The following MTA2 variants were observed in gnomAD, a reference collection of about 807,000 sequenced individuals.
MTA2 encodes the protein metastasis-associated protein MTA2.
Under a neutral mutation model 87.1 loss-of-function variants are expected in MTA2, and 22 were observed. The ratio of observed to expected loss-of-function variants is 0.25; its 90% confidence interval spans 0.18 to 0.36. The LOEUF is 0.36. MTA2 is among the 10% of genes least tolerant of loss of function. The pLI, the probability that MTA2 is intolerant of heterozygous loss-of-function variation, is 1.00. For synonymous variants in MTA2, 314 were observed against 310.1 expected (o/e 1.01, Z -0.13); for missense variants, 542 against 853.2 (o/e 0.64, Z 4.54).
At position 62,601,594 on chromosome 11, in the gene MTA2, G is replaced by A; in HGVS notation, c.-144C>T. On this transcript the variant is annotated 5_prime_UTR_variant, in exon 1 of 18. Transcript: ENST00000278823. ...GGCCCGCGCAGCCGGCACCTCCGCTGCCTCAGCCGTCGCGGTTCATCCCGG... is the reference window on the plus strand; with the variant it reads ...GGCCCGCGCAGCCGGCACCTCCGCTACCTCAGCCGTCGCGGTTCATCCCGG... 1.1e-6 allele frequency: 1 copy of A among 936,518 alleles called. No individual in the cohort carries two copies. The highest frequency in any genetic ancestry group is 1.8e-5 in the South Asian group (1 of 54,988). The allele number at this position is 936,518 out of a possible 1,614,324, so 58.0% of individuals were successfully genotyped here. A position where few individuals can be genotyped will look rare whatever the true frequency, so the allele number is the denominator to read the frequency against.
In MTA2 at chr11:62,597,397, T is replaced by G. The variant is rs778365725; in HGVS notation, c.612A>C (p.Ala204=). Residue 204 remains alanine, a synonymous_variant, in exon 8 of 18, where the codon GCA becomes GCC. Coordinates refer to ENST00000278823, the MANE Select transcript of MTA2 (RefSeq NM_004739.4). The part of the protein sequence containing the change: ...LVVARAVGTF[A]RALDCSSSIR... ...TGGAGCTGCTACAATCTAGGGCTCT[T>G]GCAAAGGTTCCCACAGCTCTAAGGG... The G allele has an allele frequency of 8.4e-5, 135 of 1,611,626 alleles. No individual in the cohort carries two copies. Among genetic ancestry groups the G allele is most frequent in the Middle Eastern group, 3.3e-4 (2 of 6,082 alleles).
chr11:62,598,522 C>T lies in MTA2; in HGVS notation c.308G>A (p.Arg103Gln). 1 of 1,613,898 alleles carries T rather than the reference C, an allele frequency of 6.2e-7. No individual in the cohort carries two copies. The highest frequency in any genetic ancestry group is 8.5e-7 in the Non-Finnish European group (1 of 1,179,816). Residue 103 changes from arginine to glutamine, a missense_variant and splice_region_variant, in exon 4 of 18, where the codon CGG becomes CAG. By Grantham distance (43) the Arg-to-Gln change is conservative. This residue lies in a region of MTA2 where 150 missense variants were observed against 243.9 expected (regional missense o/e 0.62). Coordinates refer to ENST00000278823, the MANE Select transcript of MTA2 (RefSeq NM_004739.4). ...QFESLPATHIRGKCSVTLLNE... is the reference protein window; with the variant it reads ...QFESLPATHIQGKCSVTLLNE... ...TATGCTGGCCCCAGTTGTCCTGTAC[C>T]GTATGTGGGTGGCTGGTAATGATTC...
intron 17 of MTA2, 53 bp from the exon 18 acceptor site, chr11:62,594,093 C>A: frequency 6.4e-7 from 1 of 1,554,752 alleles, no homozygotes; most frequent in Admixed American, 1.9e-5. Flanking sequence ...ACATTAAGAC[C>A]TCCAGGTGAA....
chr11:62,597,560 C>A (rs750429467), intron 7 of MTA2, 50 bp downstream of exon 7: 1 of 1,559,444 alleles, frequency 6.4e-7, no homozygotes, highest in African/African-American at 1.4e-5. Context: ...GGACTCAGAA[C>A]AATGTCCACA....
intron 8 of MTA2, among the ~76,000 whole-genome samples, 180 bp from the exon 9 acceptor site, chr11:62,597,005 C>T (rs942579032): frequency 1.3e-5 from 2 of 152,046 alleles, no homozygotes; most frequent in South Asian, 4.1e-4. Flanking sequence ...CTGGCTAAAA[C>T]GGTGAAACCC....
At chr11:62,600,062 C>T in intron 3 of MTA2, 104 bp downstream of exon 3, 1 of 1,074,368 alleles carries the variant, frequency 9.3e-7, no homozygotes, top group South Asian at 1.5e-5. Context: ...CACCCCCAAA[C>T]TCACACCTCT....
At chr11:62,594,075 C>G in intron 17 of MTA2, 35 bp from the exon 18 acceptor site, 1 of 1,566,184 alleles carries the variant, frequency 6.4e-7, no homozygotes, top group Non-Finnish European at 8.6e-7. Context: ...ACAGAAAAGG[C>G]TTAGAGAACA....
rs906901852 is a variant in MTA2 at position 62,597,547 on chromosome 11, A to G, written c.593+63T>C. 7.9e-6 allele frequency: 12 copies of G among 1,526,858 alleles called. 1 individual carries two copies. In the South Asian group the frequency reaches 8.0e-5, roughly 10 times the overall value. The allele number at this position is 1,526,858 out of a possible 1,614,324, so 94.6% of individuals were successfully genotyped here. On this transcript the variant is annotated intron_variant, in intron 7 of 17. Coordinates refer to ENST00000278823, the MANE Select transcript of MTA2 (RefSeq NM_004739.4). ...GAAATAAAGTCCATCTCTAAGAACC[A>G]TGGGACTCAGAACAATGTCCACACC...
chr11:62,598,629 T>C lies in MTA2; in HGVS notation c.201A>G (p.Glu67=). The C allele has an allele frequency of 6.2e-7, 1 of 1,613,872 alleles. No individual in the cohort carries two copies. The highest frequency in any genetic ancestry group is 8.5e-7 in the Non-Finnish European group (1 of 1,179,966). Residue 67 remains glutamate (E), a synonymous_variant, in exon 4 of 18, where the codon GAA becomes GAG. Coordinates refer to ENST00000278823, the MANE Select transcript of MTA2 (RefSeq NM_004739.4). ...ACACCCCTGGCTGCTTTGATTCCTC[T>C]TCAAACTCCCCTGGGAGATTAAAGA... is the stretch of plus-strand genomic sequence containing the variant. ...SLADSNAREF[E]EESKQPGVSE...
Position 62,600,617 on chromosome 11 carries a change from C to T in MTA2, c.96+5G>A, listed in dbSNP as rs373992545. Reference sequence around the variant, plus strand: ...AGGGAGGGAGAGGGATTCTGCTCCACTCACCTTGTTGAGCTCCTCAATCCG... The same window carrying T: ...AGGGAGGGAGAGGGATTCTGCTCCATTCACCTTGTTGAGCTCCTCAATCCG... On this transcript the variant is annotated splice_donor_5th_base_variant and intron_variant, in intron 2 of 17. Coordinates refer to ENST00000278823, the MANE Select transcript of MTA2 (RefSeq NM_004739.4). The T allele has an allele frequency of 4.2e-5, 68 of 1,613,326 alleles. No homozygotes were observed. The highest frequency in any genetic ancestry group is 3.1e-4 in the South Asian group (28 of 91,038).
At position 62,596,745 on chromosome 11, in the gene MTA2, C is replaced by T. The variant is rs562594464; in HGVS notation, c.774G>A (p.Pro258=). The T allele has an allele frequency of 1.9e-5, 31 of 1,614,176 alleles. 1 individual carries two copies. Among genetic ancestry groups the T allele is most frequent in the East Asian group, 2.2e-5 (1 of 44,880 alleles). The part of the protein sequence containing the change: ...AMSTLVPQGG[P]VLCRDEMEEW... ...CCTCCATCTCATCCCGACACAGCACCGGGCCTCCCTGGGGTACCAGGGTCG... is the reference window on the plus strand; with the variant it reads ...CCTCCATCTCATCCCGACACAGCACTGGGCCTCCCTGGGGTACCAGGGTCG... The change falls in exon 9 of 18, where the codon CCG becomes CCA. Residue 258 remains proline (P), a synonymous_variant. Transcript: ENST00000278823.
Position 62,595,825 on chromosome 11 carries a change from CA to C in MTA2, c.1180del (p.Cys394ValfsTer11). 1.2e-6 allele frequency: 2 copies of C among 1,614,210 alleles called. No homozygotes were observed. The highest frequency in any genetic ancestry group is 1.7e-6 in the Non-Finnish European group (2 of 1,180,040). ...CCCATACTTCTTCCAGTAGATCCAACAGGAAGCACAGAGGCGGCACTGCATG... is the reference window on the plus strand; with the variant it reads ...CCCATACTTCTTCCAGTAGATCCAACGGAAGCACAGAGGCGGCACTGCATG... The part of the protein sequence containing the change: ...PNMQCRLCAS[C>X]WIYWKKYGGL... On this transcript the variant is annotated frameshift_variant, in exon 13 of 18. Transcript: ENST00000278823. LOFTEE classifies it high-confidence loss of function. This position sits in a 1 kb window ranked among gnomAD's most constrained non-coding sequence, Gnocchi z 4.9.
In MTA2 at chr11:62,601,445, C is replaced by G. The variant is rs1408088595; in HGVS notation, c.6G>C (p.Ala2=). Residue 2 remains alanine (A), a synonymous_variant, in exon 1 of 18, where the codon GCG becomes GCC. Transcript: ENST00000278823. M[A]ANMYRVGDYV... is the part of the protein sequence containing the mutation. ...CACCTCCCACCCGGTACATGTTGGC[C>G]GCCATGGCCGTTCCCGCCGCCGCCT... 6.2e-7 allele frequency: 1 copy of G among 1,609,962 alleles called. No individual in the cohort carries two copies. The highest frequency in any genetic ancestry group is 8.5e-7 in the Non-Finnish European group (1 of 1,178,554).
intron 8 of MTA2, 144 bp downstream of exon 8, chr11:62,597,172 G>C: frequency 4.6e-6 from 3 of 650,744 alleles, no homozygotes; most frequent in African/African-American, 1.9e-5. Context: ...CTGGGCGACA[G>C]AGCAAGACTC....
Position 62,595,213 on chromosome 11 carries a change from G to T in MTA2, c.1483+51C>A, listed in dbSNP as rs1044916747. 2 of 1,579,658 alleles carry T rather than the reference G, an allele frequency of 1.3e-6. No individual in the cohort carries two copies. The highest frequency in any genetic ancestry group is 2.2e-5 in the South Asian group (2 of 90,048). ...GACATCCAGAGAAACAACGGTCTCT[G>T]GGCAGAGCAATCCGAAACCCACCAC... On this transcript the variant is annotated intron_variant, in intron 14 of 17. Transcript: ENST00000278823. This position sits in a 1 kb window ranked among gnomAD's most constrained non-coding sequence, Gnocchi z 4.9.
At chr11:62,598,755 C>T (rs1448491180) in intron 3 of MTA2, 116 bp from the exon 4 acceptor site, 27 of 920,186 alleles carry the variant, frequency 2.9e-5, no homozygotes, top group Middle Eastern at 6.8e-4. Flanking sequence ...CTCACATTTC[C>T]CAGGCGTCTG....
Position 62,598,516 on chromosome 11 carries a change from C to A in MTA2, c.308+6G>T. 6.2e-7 allele frequency: 1 copy of A among 1,613,792 alleles called. No individual in the cohort carries two copies. The highest frequency in any genetic ancestry group is 8.5e-7 in the Non-Finnish European group (1 of 1,179,672). On this transcript the variant is annotated splice_donor_region_variant and intron_variant, in intron 4 of 17. Coordinates refer to ENST00000278823, the MANE Select transcript of MTA2 (RefSeq NM_004739.4). ...GCAGGCTATGCTGGCCCCAGTTGTC[C>A]TGTACCGTATGTGGGTGGCTGGTAA...
intron 1 of MTA2, 67 bp downstream of exon 1, chr11:62,601,356 G>A: frequency 1.3e-6 from 2 of 1,575,636 alleles, no homozygotes; most frequent in Non-Finnish European, 1.7e-6. Context: ...ACCCGGTGCC[G>A]AGCCCCTCAG....
At chr11:62,596,157 A>T in intron 11 of MTA2, 50 bp from the exon 12 acceptor site, 1 of 1,605,496 alleles carries the variant, frequency 6.2e-7, no homozygotes, top group Non-Finnish European at 8.5e-7. Context: ...CTGGTCAAGG[A>T]AAAGAATCAA....
Sources: gnomAD v4.1 joint callset for allele counts (sites outside exome capture counted in the v4.1 genomes callset) on GRCh38, gnomAD v4.1.1 for gene constraint, gnomAD v4.1.1 regional missense constraint, Gnocchi (gnomAD v3.1) non-coding constraint, MANE v1.5 for transcripts, NCBI Gene and HGNC (gene_info 2026-07-23, HGNC 2026-07-21) for gene names.